IFFO2: variants seen among roughly 807,000 people sequenced by gnomAD.
The protein encoded by IFFO2 is intermediate filament family orphan 2.
Under a neutral mutation model 53.5 loss-of-function variants are expected in IFFO2, and 19 were observed. The observed-to-expected ratio is 0.36, with a 90% CI of 0.25 to 0.52. The LOEUF (loss-of-function observed/expected upper bound fraction) is 0.52. Ranked by LOEUF, IFFO2 falls within the 20% of genes least tolerant of loss-of-function variation. The pLI is 0.94. For missense variants in IFFO2, 570 were observed against 727.4 expected, an observed-to-expected ratio of 0.78 and a Z score of 2.49; for synonymous variants, 303 against 313.6, an observed-to-expected ratio of 0.97 and a Z score of 0.36.
intron 5 of IFFO2, among the ~76,000 whole-genome samples, chr1:18,915,018 T>C (rs1254970751): frequency 6.6e-6 from 1 of 152,170 alleles, no homozygotes; most frequent in Admixed American, 6.6e-5. Flanking sequence ...AAAGAGTTCC[T>C]GTCCCCACCC....
intron 1 of IFFO2, among the ~76,000 whole-genome samples, chr1:18,942,433 C>A (rs1455534280): frequency 6.6e-6 from 1 of 152,116 alleles, no homozygotes; most frequent in Non-Finnish European, 1.5e-5. Context: ...AGGGAGGGAG[C>A]GGTAACAGCT....
chr1:18,912,103 G>A lies in IFFO2; in HGVS notation c.1104-20C>T. On this transcript the variant is annotated intron_variant, in intron 5 of 8. Coordinates refer to ENST00000455833, the MANE Select transcript of IFFO2 (RefSeq NM_001136265.2). Reference sequence around the variant, plus strand: ...TCCCGCCTGTGGGGGTGACACCAGAGGGCATGACTGAACAGAAGGCAGGCT... The same window carrying A: ...TCCCGCCTGTGGGGGTGACACCAGAAGGCATGACTGAACAGAAGGCAGGCT... 6.4e-7 allele frequency: 1 copy of A among 1,551,330 alleles called. No individual in the cohort carries two copies. The highest frequency in any genetic ancestry group is 8.7e-7 in the Non-Finnish European group (1 of 1,146,762).
At chr1:18,922,404 G>A (rs1320077564) in intron 1 of IFFO2, among the ~76,000 whole-genome samples, 1 of 152,164 alleles carries the variant, frequency 6.6e-6, no homozygotes, top group East Asian at 1.9e-4. Flanking sequence ...TTAGGATGCT[G>A]TCAGGGCCAG....
chr1:18,909,540 G>A (rs577343115), intron 8 of IFFO2, among the ~76,000 whole-genome samples: 5 of 152,298 alleles, frequency 3.3e-5, no homozygotes, highest in East Asian at 3.9e-4. Flanking sequence ...TAATTGAATC[G>A]TGGGGGCGGT....
Position 18,910,433 on chromosome 1 carries a change from G to A in IFFO2, c.1357C>T (p.Leu453=). The change falls in exon 8 of 9, where the codon CTG becomes TTG. Residue 453 remains leucine, a synonymous_variant. Coordinates refer to ENST00000455833, the MANE Select transcript of IFFO2 (RefSeq NM_001136265.2). ...ATAKSDMNRH[L]HEYMEMCSMK... ...CTGCACATCTCCATGTACTCGTGCA[G>A]GTGTCGGTTCATGTCACTTTTGGCT... The A allele has an allele frequency of 6.2e-7, 1 of 1,614,016 alleles. No individual in the cohort carries two copies. Among genetic ancestry groups the A allele is most frequent in the Non-Finnish European group, 8.5e-7 (1 of 1,179,942 alleles).
At position 18,956,289 on chromosome 1, in the gene IFFO2, C is replaced by T; in HGVS notation, c.44G>A (p.Gly15Asp). The T allele has an allele frequency of 1.5e-6, 1 of 688,788 alleles. No individual in the cohort carries two copies. The allele number at this position is 688,788 out of a possible 1,614,324, so 42.7% of individuals were successfully genotyped here. A position where few individuals can be genotyped will look rare whatever the true frequency, so the allele number is the denominator to read the frequency against. Residue 15 changes from glycine to aspartate, a missense_variant, in exon 1 of 9, where the codon GGC becomes GAC. Coordinates refer to ENST00000455833, the MANE Select transcript of IFFO2 (RefSeq NM_001136265.2). The surrounding 1 kb of genome is among the most constrained non-coding windows in gnomAD (Gnocchi z 6.4). Reference protein sequence around the residue: ...LLFGEMALAFGCPPGGGGGGC... With the variant: ...LLFGEMALAFDCPPGGGGGGC... ...CCCGCCGCCGCCGCCCGGCGGGCAG[C>T]CGAAGGCCAAGGCCATCTCCCCGAA...
intron 1 of IFFO2, among the ~76,000 whole-genome samples, chr1:18,949,820 C>T (rs563392667): frequency 5.9e-5 from 9 of 152,284 alleles, no homozygotes; most frequent in Middle Eastern, 3.4e-3. Flanking sequence ...TGTGAGTGTG[C>T]ATACACGTGG....
intron 1 of IFFO2, among the ~76,000 whole-genome samples, chr1:18,938,182 G>A (rs571358760): frequency 5.6e-4 from 85 of 152,356 alleles, no homozygotes; most frequent in African/African-American, 1.9e-3. Flanking sequence ...CTGCTAAAGC[G>A]ACTTTACCTC....
At chr1:18,921,698 C>A (rs569590333) in intron 1 of IFFO2, among the ~76,000 whole-genome samples, 1 of 152,154 alleles carries the variant, frequency 6.6e-6, no homozygotes, top group African/African-American at 2.4e-5. Flanking sequence ...AGACACACAG[C>A]GAGTCAGCAG....
intron 1 of IFFO2, among the ~76,000 whole-genome samples, chr1:18,942,676 C>A (rs1936535435): frequency 6.6e-6 from 1 of 152,114 alleles, no homozygotes; most frequent in South Asian, 2.1e-4. Flanking sequence ...TTTAATTCCC[C>A]ACAATTGAAT....
rs145402446 is a variant in IFFO2 at position 18,916,726 on chromosome 1, G to A, written c.1103+177C>T. 4.0e-3 allele frequency among the ~76,000 whole-genome samples: 605 copies of A among 152,014 alleles called. 6 individuals are homozygous for A. The highest frequency in any genetic ancestry group is 0.014 in the African/African-American group (588 of 41,478). The stretch of plus-strand genomic sequence containing the variant: ...GGCTGCAGTGAGCTGTGACCATGCC[G>A]CCGCACTCCAGCCTCCAGCCTGGGT... On this transcript the variant is annotated intron_variant, in intron 5 of 8. Transcript: ENST00000455833. The surrounding 1 kb of genome is among the most constrained non-coding windows in gnomAD (Gnocchi z 4.3).
chr1:18,921,434 T>G (rs1422106026), intron 1 of IFFO2, among the ~76,000 whole-genome samples: 6 of 152,262 alleles, frequency 3.9e-5, no homozygotes, highest in Admixed American at 3.9e-4. Context: ...TGTAAAGTGC[T>G]GTGCAAGCAC....
chr1:18,941,799 C>T (rs1936525369), intron 1 of IFFO2, among the ~76,000 whole-genome samples: 1 of 152,222 alleles, frequency 6.6e-6, no homozygotes, highest in Non-Finnish European at 1.5e-5. Context: ...TCCAAATCCA[C>T]ACAACGGGGA....
chr1:18,953,251 A>G (rs1458878004), intron 1 of IFFO2, among the ~76,000 whole-genome samples: 1 of 152,182 alleles, frequency 6.6e-6, no homozygotes, highest in African/African-American at 2.4e-5. Context: ...ACTCAGATTT[A>G]TATATTGCCA....
chr1:18,922,049 G>A (rs571575955), intron 1 of IFFO2, among the ~76,000 whole-genome samples: 2 of 152,232 alleles, frequency 1.3e-5, no homozygotes, highest in East Asian at 1.9e-4. Flanking sequence ...CGTAGGCACC[G>A]TCATTATCCC....
intron 5 of IFFO2, among the ~76,000 whole-genome samples, chr1:18,915,142 T>C (rs1936112569): frequency 6.6e-6 from 1 of 151,998 alleles, no homozygotes; most frequent in Non-Finnish European, 1.5e-5. Context: ...GGACCAAGAG[T>C]TGGGGGCCTG....
At chr1:18,922,705 G>A (rs1238693523) in intron 1 of IFFO2, among the ~76,000 whole-genome samples, 1 of 152,080 alleles carries the variant, frequency 6.6e-6, no homozygotes, top group Admixed American at 6.5e-5. Flanking sequence ...AGGGCACAGA[G>A]AAAGCTAAGA....
intron 1 of IFFO2, among the ~76,000 whole-genome samples, chr1:18,946,591 AT>A (rs1022427280): frequency 6.7e-6 from 1 of 150,008 alleles, no homozygotes; most frequent in Admixed American, 6.6e-5. Flanking sequence ...ATTTTTTTGT[AT>A]TTTTTTTGTA....
chr1:18,941,206 G>C (rs1936516458), intron 1 of IFFO2, among the ~76,000 whole-genome samples: 1 of 152,252 alleles, frequency 6.6e-6, no homozygotes. Flanking sequence ...TGGGCATACA[G>C]AGTGCTCTCG....
Sources: gnomAD v4.1 joint callset for allele counts (sites outside exome capture counted in the v4.1 genomes callset) on GRCh38, gnomAD v4.1.1 for gene constraint, Gnocchi (gnomAD v3.1) non-coding constraint, MANE v1.5 for transcripts, NCBI Gene and HGNC (gene_info 2026-07-23, HGNC 2026-07-21) for gene names.